The following MEIKIN variants were observed in gnomAD, a reference collection of about 807,000 sequenced individuals.
MEIKIN encodes the protein meiotic kinetochore factor, also known as meiosis-specific kinetochore protein.
At chr5:131,861,729 T>C (rs1750288642) in intron 9 of MEIKIN, among the ~76,000 whole-genome samples, 1 of 152,260 alleles carries the variant, frequency 6.6e-6, no homozygotes, top group South Asian at 2.1e-4. Context: ...TTGTTCTTGG[T>C]TCTGTTAATG....
intron 11 of MEIKIN, among the ~76,000 whole-genome samples, chr5:131,832,501 T>C (rs1385999987): frequency 6.6e-6 from 1 of 152,152 alleles, no homozygotes; most frequent in Non-Finnish European, 1.5e-5. Flanking sequence ...TCAGTGGTTC[T>C]ACCGTTCTGA....
intron 11 of MEIKIN, among the ~76,000 whole-genome samples, chr5:131,822,529 CAACTT>C (rs1286868384): frequency 3.3e-5 from 5 of 152,138 alleles, no homozygotes; most frequent in African/African-American, 4.8e-5. Context: ...AAACTGATGA[CAACTT>C]AACACTGCTT....
intron 5 of MEIKIN, among the ~76,000 whole-genome samples, chr5:131,932,600 C>T (rs529164181): frequency 1.3e-5 from 2 of 152,328 alleles, no homozygotes; most frequent in Non-Finnish European, 2.9e-5. Context: ...GAAAAGAATA[C>T]TCCACCCATT....
intron 8 of MEIKIN, among the ~76,000 whole-genome samples, chr5:131,891,279 T>C (rs1396725320): frequency 1.3e-5 from 2 of 152,192 alleles, no homozygotes; most frequent in Non-Finnish European, 2.9e-5. Flanking sequence ...CCTTGTTAAC[T>C]TTCTGTCTTG....
In MEIKIN at chr5:131,822,016, G is replaced by T. The variant is rs141810996; in HGVS notation, c.976-3153C>A. On this transcript the variant is annotated intron_variant, in intron 11 of 12. Transcript: ENST00000442687. ...TTCACAATCATTATATGCTCTTACT[G>T]AACTGACCCCTTTATCTTTATGTAA... Among the ~76,000 whole-genome samples the T allele has an allele frequency of 5.3e-5, 8 of 152,250 alleles. No homozygotes were observed. In the South Asian group the frequency reaches 8.3e-4, roughly 16 times the overall value.
intron 9 of MEIKIN, among the ~76,000 whole-genome samples, chr5:131,876,400 C>A (rs1054388419): frequency 6.6e-6 from 1 of 151,076 alleles, no homozygotes; most frequent in Non-Finnish European, 1.5e-5. Flanking sequence ...AAAAAATGCT[C>A]ATCATCACTG....
At chr5:131,938,332 TA>T (rs1437022387) in intron 4 of MEIKIN, among the ~76,000 whole-genome samples, 1 of 152,042 alleles carries the variant, frequency 6.6e-6, no homozygotes, top group Non-Finnish European at 1.5e-5. Flanking sequence ...CATGCCCGGC[TA>T]ATTTTTTGTA....
intron 11 of MEIKIN, among the ~76,000 whole-genome samples, chr5:131,819,388 G>A (rs919906143): frequency 2.1e-4 from 30 of 143,594 alleles, no homozygotes; most frequent in African/African-American, 7.2e-4. Flanking sequence ...GATTCCTTGA[G>A]GCAGAGGCAG....
At chr5:131,943,726 A>G (rs947748359) in intron 3 of MEIKIN, among the ~76,000 whole-genome samples, 2 of 152,214 alleles carry the variant, frequency 1.3e-5, no homozygotes, top group African/African-American at 4.8e-5. Context: ...GGACTACTTT[A>G]CACTGTTAAA....
At chr5:131,905,622 A>G (rs1180392471) in intron 8 of MEIKIN, among the ~76,000 whole-genome samples, 1 of 152,230 alleles carries the variant, frequency 6.6e-6, no homozygotes, top group African/African-American at 2.4e-5. Flanking sequence ...CCACAGAAAT[A>G]CAAAAAACTC....
At chr5:131,860,968 G>A (rs1750276357) in intron 9 of MEIKIN, among the ~76,000 whole-genome samples, 1 of 148,984 alleles carries the variant, frequency 6.7e-6, no homozygotes, top group African/African-American at 2.5e-5. Flanking sequence ...TTGCCATGTT[G>A]GCCAGGCTGG....
rs546270456 is a variant in MEIKIN, at chr5:131,906,605, G to A, written c.703+5210C>T. ...GCATTATTCACAATAGCAAAGACAT[G>A]GAATCAACCTAAATGTTCATCAATG... On this transcript the variant is annotated intron_variant, in intron 8 of 12. Transcript: ENST00000442687. Among the ~76,000 whole-genome samples, 45 of 152,142 alleles carry A rather than the reference G, an allele frequency of 3.0e-4. No homozygotes were observed. In the South Asian group the frequency reaches 8.9e-3, roughly 30 times the overall value.
chr5:131,931,074 T>TA (rs1286257200), intron 5 of MEIKIN, among the ~76,000 whole-genome samples: 3 of 152,148 alleles, frequency 2.0e-5, no homozygotes, highest in African/African-American at 7.2e-5. Flanking sequence ...CATTAGAAAA[T>TA]AACAGCCACT....
At chr5:131,902,038 C>T (rs1042602348) in intron 8 of MEIKIN, among the ~76,000 whole-genome samples, 1 of 152,112 alleles carries the variant, frequency 6.6e-6, no homozygotes, top group African/African-American at 2.4e-5. Flanking sequence ...AGATCTGGTC[C>T]TTTAAAAGTG....
In MEIKIN at chr5:131,870,655, A is replaced by C. The variant is rs578016593; in HGVS notation, c.774+8323T>G. On this transcript the variant is annotated intron_variant, in intron 9 of 12. Transcript: ENST00000442687. Reference sequence around the variant, plus strand: ...GCATCTTTATCCACTAAAGATGCTCAAAACGGAAACCCAGAAGTCTTTCTT... The same window carrying C: ...GCATCTTTATCCACTAAAGATGCTCCAAACGGAAACCCAGAAGTCTTTCTT... Among the ~76,000 whole-genome samples, 19 of 152,336 alleles carry C rather than the reference A, an allele frequency of 1.2e-4. No individual in the cohort carries two copies. In the South Asian group the frequency reaches 2.7e-3, roughly 22 times the overall value.
chr5:131,944,936 A>G (rs1026532665), intron 2 of MEIKIN, 184 bp from the exon 3 acceptor site: 2 of 397,948 alleles, frequency 5.0e-6, no homozygotes, highest in Non-Finnish European at 4.4e-6. Flanking sequence ...CGACCAATTT[A>G]TCTCACTTCC....
chr5:131,883,815 C>A (rs1003930136), intron 8 of MEIKIN, among the ~76,000 whole-genome samples: 4 of 152,154 alleles, frequency 2.6e-5, no homozygotes, highest in Admixed American at 1.3e-4. Flanking sequence ...TTCATCCCCC[C>A]ACAGCAGCCC....
At chr5:131,838,445 T>C (rs1161016492) in intron 11 of MEIKIN, among the ~76,000 whole-genome samples, 2 of 152,168 alleles carry the variant, frequency 1.3e-5, no homozygotes, top group Admixed American at 6.5e-5. Flanking sequence ...ATCTTCTTTA[T>C]ACTTTTGGCA....
intron 11 of MEIKIN, among the ~76,000 whole-genome samples, chr5:131,844,374 C>A (rs1749973397): frequency 6.6e-6 from 1 of 152,130 alleles, no homozygotes; most frequent in Non-Finnish European, 1.5e-5. Context: ...CAGTAATCTC[C>A]AAGAGATTGA....
Sources: gnomAD v4.1 joint callset for allele counts (sites outside exome capture counted in the v4.1 genomes callset) on GRCh38, gnomAD v4.1.1 for gene constraint, MANE v1.5 for transcripts, NCBI Gene and HGNC (gene_info 2026-07-23, HGNC 2026-07-21) for gene names.